The following LSAMP variants were observed in gnomAD, a reference collection of about 807,000 sequenced individuals.
LSAMP encodes limbic system-associated membrane protein.
Under a neutral mutation model 38.6 loss-of-function variants are expected in LSAMP, and 7 were observed. That is an observed-to-expected ratio of 0.18 (90% CI 0.10 to 0.34). The LOEUF (loss-of-function observed/expected upper bound fraction) is 0.34. Among genes scored for constraint, LSAMP ranks in the 10% least tolerant of loss-of-function variants. The pLI, the probability that LSAMP is intolerant of heterozygous loss-of-function variation, is 1.00. For synonymous variants in LSAMP, 154 were observed against 166.8 expected (o/e 0.92, Z 0.59); for missense variants, 313 against 420.0 (o/e 0.75, Z 2.23).
chr3:116,313,761 C>T (rs1332158252), intron 1 of LSAMP, among the ~76,000 whole-genome samples: 7 of 152,228 alleles, frequency 4.6e-5, no homozygotes, highest in Non-Finnish European at 1.0e-4. Context: ...TGAGACCAGC[C>T]TGGCCAGCAT....
chr3:116,222,885 G>A (rs1403676692), intron 1 of LSAMP, among the ~76,000 whole-genome samples: 11 of 148,678 alleles, frequency 7.4e-5, no homozygotes, highest in African/African-American at 1.5e-4. Context: ...ACAGGCGCCC[G>A]CCACCATGCC....
At chr3:116,164,758 ATATTT>A (rs1559766447) in intron 1 of LSAMP, among the ~76,000 whole-genome samples, 5 of 55,240 alleles carry the variant, frequency 9.1e-5, no homozygotes, top group African/African-American at 2.7e-4. Context: ...ATATATATAT[ATATTT>A]TTTTTTTTTT....
intron 1 of LSAMP, among the ~76,000 whole-genome samples, chr3:116,261,329 C>A (rs1022280384): frequency 6.6e-6 from 1 of 152,284 alleles, no homozygotes; most frequent in South Asian, 2.1e-4. Context: ...TGCCAGATTG[C>A]AGCTCACCTT....
At chr3:116,206,682 A>G (rs1490835221) in intron 1 of LSAMP, among the ~76,000 whole-genome samples, 1 of 151,860 alleles carries the variant, frequency 6.6e-6, no homozygotes, top group Non-Finnish European at 1.5e-5. Flanking sequence ...ATTCAGGAGC[A>G]GGTTGTTCAG....
chr3:116,307,075 T>G (rs2047493859), intron 1 of LSAMP, among the ~76,000 whole-genome samples: 1 of 152,030 alleles, frequency 6.6e-6, no homozygotes. Flanking sequence ...AGAAAAGAGA[T>G]ATATAATCGG....
intron 1 of LSAMP, among the ~76,000 whole-genome samples, chr3:116,421,431 A>G (rs925698502): frequency 1.4e-4 from 22 of 151,878 alleles, no homozygotes; most frequent in African/African-American, 5.1e-4. Flanking sequence ...TTGGCTGGGC[A>G]TGGTGGTGGG....
intron 1 of LSAMP, among the ~76,000 whole-genome samples, chr3:116,122,413 G>C (rs1193526212): frequency 1.3e-5 from 2 of 152,134 alleles, no homozygotes; most frequent in African/African-American, 2.4e-5. Context: ...GCTTTCTAGA[G>C]CTCAGTTTAA....
At chr3:115,975,022 T>C (rs989748140) in intron 3 of LSAMP, among the ~76,000 whole-genome samples, 1 of 152,132 alleles carries the variant, frequency 6.6e-6, no homozygotes, top group Non-Finnish European at 1.5e-5. Context: ...AAAGCTATGT[T>C]GGAGGTTTAC....
At chr3:116,100,967 C>T (rs1708334396) in intron 1 of LSAMP, among the ~76,000 whole-genome samples, 1 of 152,162 alleles carries the variant, frequency 6.6e-6, no homozygotes, top group Non-Finnish European at 1.5e-5. Context: ...CTCCAATTTC[C>T]CTAGTTGATT....
chr3:116,085,582 A>C (rs1252165551), intron 2 of LSAMP, among the ~76,000 whole-genome samples: 1 of 152,210 alleles, frequency 6.6e-6, no homozygotes, highest in Non-Finnish European at 1.5e-5. Flanking sequence ...ACTTGCAATA[A>C]AATTGTGCAG....
chr3:116,343,715 T>A (rs369487810), intron 1 of LSAMP, among the ~76,000 whole-genome samples: 4 of 145,882 alleles, frequency 2.7e-5, no homozygotes, highest in African/African-American at 1.1e-4. Flanking sequence ...CATAAATTTC[T>A]TCATCTTCAA....
intron 3 of LSAMP, among the ~76,000 whole-genome samples, chr3:115,871,446 G>C (rs963182973): frequency 6.6e-6 from 1 of 152,090 alleles, no homozygotes; most frequent in Non-Finnish European, 1.5e-5. Context: ...GCCCTTGAAG[G>C]CCTCAGGAAA....
chr3:115,896,466 A>G (rs1444548664), intron 3 of LSAMP, among the ~76,000 whole-genome samples: 1 of 152,058 alleles, frequency 6.6e-6, no homozygotes, highest in Non-Finnish European at 1.5e-5. Flanking sequence ...GGTATCTGAG[A>G]TAAAAATTAT....
intron 1 of LSAMP, among the ~76,000 whole-genome samples, chr3:116,216,517 G>A (rs1360767439): frequency 6.6e-6 from 1 of 151,472 alleles, no homozygotes; most frequent in Non-Finnish European, 1.5e-5. Context: ...TTAACATCTT[G>A]TATGATGGTA....
chr3:116,372,375 C>T (rs547742247), intron 1 of LSAMP, among the ~76,000 whole-genome samples: 3 of 151,868 alleles, frequency 2.0e-5, no homozygotes, highest in Non-Finnish European at 2.9e-5. Flanking sequence ...TTCAAATGAG[C>T]GAAGTTGGAC....
At chr3:116,086,070 T>C (rs1576353949) in intron 2 of LSAMP, among the ~76,000 whole-genome samples, 1 of 152,192 alleles carries the variant, frequency 6.6e-6, no homozygotes, top group African/African-American at 2.4e-5. Context: ...GCTTTTGCCG[T>C]GTGTTTTCAC....
intron 1 of LSAMP, among the ~76,000 whole-genome samples, chr3:116,434,548 T>A (rs1389810065): frequency 2.6e-5 from 4 of 152,092 alleles, no homozygotes; most frequent in Non-Finnish European, 5.9e-5. Context: ...CTAGTAAAGA[T>A]GTTTGGTGGA....
chr3:116,312,755 C>G (rs2047574007), intron 1 of LSAMP, among the ~76,000 whole-genome samples: 1 of 152,144 alleles, frequency 6.6e-6, no homozygotes, highest in African/African-American at 2.4e-5. Context: ...CACCATAATA[C>G]AGCAATGATG....
chr3:116,273,707 T>TATATATATAC, intron 1 of LSAMP, among the ~76,000 whole-genome samples: 1 of 102,608 alleles, frequency 9.7e-6, no homozygotes, highest in African/African-American at 4.7e-5. Flanking sequence ...TATATATATA[T>TATATATATAC]ACACACACAC....
Sources: allele counts gnomAD v4.1 joint callset (sites outside exome capture counted in the v4.1 genomes callset), GRCh38; gene constraint gnomAD v4.1.1; transcripts MANE v1.5; gene names NCBI Gene and HGNC (gene_info 2026-07-23, HGNC 2026-07-21).